Variants in KCNIP4 observed in about 807,000 individuals in gnomAD.
The protein encoded by KCNIP4 is Kv channel-interacting protein 4.
KCNIP4 carries 12 observed loss-of-function variants against 34.0 expected under a neutral mutation model. The observed-to-expected ratio is 0.35, with a 90% CI of 0.23 to 0.57. The LOEUF (loss-of-function observed/expected upper bound fraction) is 0.57. Ranked by LOEUF, KCNIP4 falls within the 20% of genes least tolerant of loss-of-function variation. The pLI is 0.83. For missense variants in KCNIP4, 238 were observed against 311.7 expected, an observed-to-expected ratio of 0.76 and a Z score of 1.78; for synonymous variants, 124 against 102.2, an observed-to-expected ratio of 1.21 and a Z score of -1.29.
At chr4:21,224,456 C>T (rs1208677886) in intron 1 of KCNIP4, among the ~76,000 whole-genome samples, 1 of 151,928 alleles carries the variant, frequency 6.6e-6, no homozygotes, top group Non-Finnish European at 1.5e-5. Context: ...TCTCCCAATG[C>T]CATTACATTA....
At chr4:21,694,468 C>T (rs1404069979) in intron 1 of KCNIP4, among the ~76,000 whole-genome samples, 1 of 151,948 alleles carries the variant, frequency 6.6e-6, no homozygotes, top group Non-Finnish European at 1.5e-5. Flanking sequence ...TAAATACAGA[C>T]ATTATATATG....
At chr4:20,967,646 C>G (rs1467635021) in intron 1 of KCNIP4, among the ~76,000 whole-genome samples, 1 of 152,180 alleles carries the variant, frequency 6.6e-6, no homozygotes, top group African/African-American at 2.4e-5. Context: ...ACCATCTGAT[C>G]TTTGACAAAC....
chr4:21,465,194 T>C (rs928543552), intron 1 of KCNIP4, among the ~76,000 whole-genome samples: 28 of 152,144 alleles, frequency 1.8e-4, no homozygotes, highest in African/African-American at 6.8e-4. Context: ...GTTGAATGCC[T>C]ACTGTAAGAC....
chr4:21,094,769 C>T (rs1364713107), intron 1 of KCNIP4, among the ~76,000 whole-genome samples: 2 of 152,156 alleles, frequency 1.3e-5, no homozygotes, highest in Non-Finnish European at 2.9e-5. Flanking sequence ...ACTCAAGCAG[C>T]CCTATGGAGA....
intron 1 of KCNIP4, among the ~76,000 whole-genome samples, chr4:20,977,161 C>G (rs1235685615): frequency 1.3e-5 from 2 of 152,126 alleles, no homozygotes; most frequent in Admixed American, 6.6e-5. Flanking sequence ...ACAAAATAAT[C>G]AAATACCTCC....
At chr4:21,505,343 G>A (rs2109903508) in intron 1 of KCNIP4, among the ~76,000 whole-genome samples, 1 of 151,370 alleles carries the variant, frequency 6.6e-6, no homozygotes, top group South Asian at 2.1e-4. Flanking sequence ...CTCCTACACC[G>A]ATAGGTTGTG....
At chr4:21,775,093 T>G (rs1319307887) in intron 1 of KCNIP4, among the ~76,000 whole-genome samples, 1 of 152,168 alleles carries the variant, frequency 6.6e-6, no homozygotes, top group Non-Finnish European at 1.5e-5. Flanking sequence ...TTTGTCTAGT[T>G]TTGGTCTTTG....
At chr4:21,715,481 A>G (rs1714303102) in intron 1 of KCNIP4, among the ~76,000 whole-genome samples, 1 of 152,058 alleles carries the variant, frequency 6.6e-6, no homozygotes, top group South Asian at 2.1e-4. Flanking sequence ...TTTACTGACA[A>G]ACTATTTCTT....
intron 1 of KCNIP4, among the ~76,000 whole-genome samples, chr4:21,051,252 G>A (rs913064484): frequency 4.6e-5 from 7 of 152,222 alleles, no homozygotes; most frequent in Admixed American, 1.3e-4. Flanking sequence ...CAAGTCATTC[G>A]TAGTTTTAAA....
At chr4:21,547,184 G>A (rs1738216834) in intron 1 of KCNIP4, among the ~76,000 whole-genome samples, 1 of 152,002 alleles carries the variant, frequency 6.6e-6, no homozygotes, top group Non-Finnish European at 1.5e-5. Flanking sequence ...GTCTAGATCA[G>A]CTGAACCAAG....
intron 1 of KCNIP4, among the ~76,000 whole-genome samples, chr4:21,674,497 C>T (rs766880956): frequency 8.5e-5 from 13 of 152,168 alleles, no homozygotes; most frequent in African/African-American, 1.2e-4. Context: ...TTGAATATTA[C>T]ATCTTGAAGA....
At chr4:20,874,668 C>A (rs1038777350) in intron 2 of KCNIP4, among the ~76,000 whole-genome samples, 2 of 149,326 alleles carry the variant, frequency 1.3e-5, no homozygotes, top group African/African-American at 4.9e-5. Context: ...TGACTTTGGG[C>A]AAGCCACTTC....
chr4:21,623,497 G>C (rs918844553), intron 1 of KCNIP4, among the ~76,000 whole-genome samples: 15 of 152,124 alleles, frequency 9.9e-5, no homozygotes, highest in Non-Finnish European at 2.2e-4. Context: ...CTCTCTCTCT[G>C]TCTCTCATTC....
chr4:21,889,958 T>C (rs886551634), intron 1 of KCNIP4, among the ~76,000 whole-genome samples: 3 of 152,138 alleles, frequency 2.0e-5, no homozygotes, highest in Admixed American at 1.3e-4. Context: ...GCTGGTGGCA[T>C]TGATGATGAA....
At chr4:21,894,983 C>G (rs932548830) in intron 1 of KCNIP4, among the ~76,000 whole-genome samples, 2 of 152,134 alleles carry the variant, frequency 1.3e-5, no homozygotes, top group African/African-American at 4.8e-5. Context: ...AATCCATGTT[C>G]TCTTATCTCT....
At chr4:21,798,374 GA>G (rs1720757072) in intron 1 of KCNIP4, among the ~76,000 whole-genome samples, 1 of 134,210 alleles carries the variant, frequency 7.5e-6, no homozygotes, top group African/African-American at 2.6e-5. Flanking sequence ...CAACATGGCG[GA>G]ACCCCGTTTC....
chr4:20,980,507 G>T (rs903466229), intron 1 of KCNIP4, among the ~76,000 whole-genome samples: 15 of 152,224 alleles, frequency 9.9e-5, no homozygotes, highest in African/African-American at 3.4e-4. Flanking sequence ...TATCGAAATT[G>T]GAAACTAAAA....
intron 1 of KCNIP4, among the ~76,000 whole-genome samples, chr4:20,942,405 G>T (rs538480029): frequency 6.6e-6 from 1 of 152,210 alleles, no homozygotes; most frequent in Admixed American, 6.5e-5. Context: ...CAAAGTCTGT[G>T]CAAATAGAAC....
At position 21,710,818 on chromosome 4, in the gene KCNIP4, T is replaced by C. The variant is rs146635021; in HGVS notation, c.61+237753A>G. Among the ~76,000 whole-genome samples, 343 of 152,334 alleles carry C rather than the reference T, an allele frequency of 2.3e-3. 2 individuals are homozygous for C. The highest frequency in any genetic ancestry group is 6.2e-3 in the South Asian group (30 of 4,828). On this transcript the variant is annotated intron_variant, in intron 1 of 8. Coordinates refer to ENST00000382152, the MANE Select transcript of KCNIP4 (RefSeq NM_025221.6). ...AAATCTAGAGATAGAATTCTAAATA[T>C]CATTAAAATAGCCAAAGAATGCCCT...
Sources: gnomAD v4.1 joint callset for allele counts (sites outside exome capture counted in the v4.1 genomes callset) on GRCh38, gnomAD v4.1.1 for gene constraint, MANE v1.5 for transcripts, NCBI Gene and HGNC (gene_info 2026-07-23, HGNC 2026-07-21) for gene names.